RP1: variants seen among roughly 807,000 people sequenced by gnomAD.
The protein encoded by RP1 is RP1 axonemal microtubule associated.
In RP1, 16 loss-of-function variants were observed where a neutral mutation model predicts 14.8. That is an observed-to-expected ratio of 1.08 (90% CI 0.73 to 1.65). The LOEUF is 1.65. Among genes scored for constraint, RP1 ranks in the 40% most tolerant of loss-of-function variants. RP1 has a pLI of 0.00. For missense variants in RP1, 2,631 were observed against 2,535.0 expected (o/e 1.04, Z -0.81); for synonymous variants, 876 against 883.6 (o/e 0.99, Z 0.15).
rs1243940245 is a variant in RP1 at position 54,667,724 on chromosome 8, C to T, written c.1323+3874C>T. 3.9e-5 allele frequency among the ~76,000 whole-genome samples: 6 copies of T among 152,036 alleles called. No individual in the cohort carries two copies. The South Asian group carries it at 6.2e-4, about 16-fold the overall frequency. Reference sequence around the variant, plus strand: ...TGTATTTGTATTTGTTTATTTGGTACGTCCATGGAAGAACTGAAAGTCAGA... The same window carrying T: ...TGTATTTGTATTTGTTTATTTGGTATGTCCATGGAAGAACTGAAAGTCAGA... On this transcript the variant is annotated intron_variant, in intron 7 of 22. Coordinates refer to the RP1 transcript ENST00000636932.
chr8:54,851,750 G>A (rs560871461), intron 25 of RP1, among the ~76,000 whole-genome samples: 4 of 152,268 alleles, frequency 2.6e-5, no homozygotes, highest in African/African-American at 2.4e-5. Context: ...TCTTTATAAA[G>A]GTCAGGCATG....
At chr8:54,737,688 G>T (rs1808966487) in intron 18 of RP1, among the ~76,000 whole-genome samples, 1 of 152,142 alleles carries the variant, frequency 6.6e-6, no homozygotes, top group Non-Finnish European at 1.5e-5. Flanking sequence ...CATTGAAACA[G>T]GCCCAGGTCT....
chr8:54,607,825 G>A (rs1585546750), intron 1 of RP1, among the ~76,000 whole-genome samples: 1 of 152,318 alleles, frequency 6.6e-6, no homozygotes, highest in East Asian at 1.9e-4. Context: ...GGCTCTGTGG[G>A]CATAGGACCC....
chr8:54,587,482 A>T (rs1192575483), intron 1 of RP1, among the ~76,000 whole-genome samples: 1 of 151,764 alleles, frequency 6.6e-6, no homozygotes, highest in East Asian at 1.9e-4. Context: ...TGATGGTCTC[A>T]CCTTGCTTAG....
intron 19 of RP1, among the ~76,000 whole-genome samples, chr8:54,752,410 C>T (rs1021244147): frequency 3.9e-5 from 6 of 152,220 alleles, no homozygotes; most frequent in African/African-American, 1.4e-4. Flanking sequence ...GGACCACCTC[C>T]TTCCACCATG....
Position 54,675,432 on chromosome 8 carries a change from T to C in RP1, c.1402+1504T>C, listed in dbSNP as rs566441492. 3.9e-5 allele frequency among the ~76,000 whole-genome samples: 6 copies of C among 152,294 alleles called. No homozygotes were observed. In the East Asian group the frequency reaches 1.2e-3, roughly 29 times the overall value. ...GAAGATAGGATAGGATTTTATCATA[T>C]GTCTCAGATTTTGGTAGGTTAGTTG... On this transcript the variant is annotated intron_variant, in intron 8 of 22. Coordinates refer to the RP1 transcript ENST00000636932.
chr8:54,597,979 T>C (rs1805186760), intron 1 of RP1, among the ~76,000 whole-genome samples: 1 of 152,262 alleles, frequency 6.6e-6, no homozygotes, highest in East Asian at 1.9e-4. Context: ...ATAAAGATCT[T>C]GCTTGAGCTA....
chr8:54,726,594 G>A, intron 17 of RP1: 2 of 1,042,896 alleles, frequency 1.9e-6, no homozygotes, highest in Non-Finnish European at 2.6e-6. Context: ...TATACCACAT[G>A]GACTGCTTGT....
intron 22 of RP1, chr8:54,759,172 G>GTA: frequency 9.3e-7 from 1 of 1,073,936 alleles, no homozygotes; most frequent in Non-Finnish European, 1.2e-6. Context: ...GTGTGTGTGT[G>GTA]TGTATCTTTT....
rs749245699 is a variant in RP1 at position 54,783,700 on chromosome 8, A to C, written c.3605A>C (p.Asp1202Ala). The C allele has an allele frequency of 3.0e-4, 369 of 1,230,700 alleles. 1 individual carries two copies. The highest frequency in any genetic ancestry group is 3.5e-4 in the Non-Finnish European group (350 of 986,882). 76.2% of individuals were successfully genotyped at this position (1,230,700 alleles called of 1,614,324 possible). Reference sequence around the variant, plus strand: ...CAGCTGTTTAACCCTAACACTGCAGATATATTCAAGGTAAAAATGATACAG... The same window carrying C: ...CAGCTGTTTAACCCTAACACTGCAGCTATATTCAAGGTAAAAATGATACAG... Residue 1202 changes from aspartate to alanine, a missense_variant, in exon 24 of 29, where the codon GAT (aspartate) becomes GCT (alanine). Transcript: ENST00000637698.
intron 17 of RP1, among the ~76,000 whole-genome samples, chr8:54,727,942 A>AATGGAG (rs1563359304): frequency 6.6e-6 from 1 of 151,960 alleles, no homozygotes; most frequent in East Asian, 1.9e-4. Flanking sequence ...ATACAGCAGA[A>AATGGAG]ATGGAGAGTG....
intron 24 of RP1, among the ~76,000 whole-genome samples, chr8:54,793,680 C>A (rs1415319831): frequency 6.6e-6 from 1 of 151,748 alleles, no homozygotes; most frequent in African/African-American, 2.4e-5. Context: ...ATGTATCCAA[C>A]CTAATAAAGA....
intron 15 of RP1, among the ~76,000 whole-genome samples, chr8:54,711,661 T>C (rs1450786664): frequency 6.6e-6 from 1 of 152,224 alleles, no homozygotes; most frequent in Non-Finnish European, 1.5e-5. Context: ...GGTCTTCACC[T>C]AAAACTGACC....
intron 1 of RP1, among the ~76,000 whole-genome samples, chr8:54,588,227 A>C (rs1804975186): frequency 6.6e-6 from 1 of 152,228 alleles, no homozygotes; most frequent in African/African-American, 2.4e-5. Context: ...AATCTTACAG[A>C]AACAATGTTT....
At chr8:54,858,644 A>C (rs891463418) in intron 27 of RP1, among the ~76,000 whole-genome samples, 2 of 149,920 alleles carry the variant, frequency 1.3e-5, no homozygotes, top group African/African-American at 2.5e-5. Flanking sequence ...GTAGAGTTGC[A>C]TTTCTGTAAG....
chr8:54,633,477 A>G (rs1198210884), downstream of RP1, among the ~76,000 whole-genome samples: 4 of 152,128 alleles, frequency 2.6e-5, no homozygotes, highest in Non-Finnish European at 5.9e-5. Context: ...TATTGAAACT[A>G]CATTCCATAT....
chr8:54,606,603 G>T (rs187788203), intron 1 of RP1, among the ~76,000 whole-genome samples: 188 of 152,218 alleles, frequency 1.2e-3, no homozygotes, highest in African/African-American at 4.3e-3. Context: ...TTGCTAGATT[G>T]GGGAAGTTCT....
chr8:54,720,965 G>C (rs1472100210), intron 16 of RP1, among the ~76,000 whole-genome samples: 11 of 152,064 alleles, frequency 7.2e-5, no homozygotes, highest in Non-Finnish European at 1.5e-5. Context: ...TCTAATTTTT[G>C]CTTGATATGG....
At chr8:54,655,403 A>T (rs553251535) in intron 5 of RP1, among the ~76,000 whole-genome samples, 7 of 152,162 alleles carry the variant, frequency 4.6e-5, no homozygotes, top group Non-Finnish European at 8.8e-5. Context: ...TTCAGTTCCT[A>T]CCAGAAATTA....
Sources: gnomAD v4.1 joint callset for allele counts (sites outside exome capture counted in the v4.1 genomes callset) on GRCh38, gnomAD v4.1.1 for gene constraint, MANE v1.5 for transcripts, NCBI Gene and HGNC (gene_info 2026-07-23, HGNC 2026-07-21) for gene names.